The following KCNT2 variants were observed in gnomAD, a reference collection of about 807,000 sequenced individuals.
KCNT2 encodes the protein potassium sodium-activated channel subfamily T member 2.
Under a neutral mutation model 153.8 loss-of-function variants are expected in KCNT2, and 67 were observed. The ratio of observed to expected loss-of-function variants is 0.44; its 90% CI spans 0.36 to 0.53. The LOEUF is 0.53. KCNT2 is among the 20% of genes least tolerant of loss of function. The probability of loss-of-function intolerance (pLI) is 0.00; values close to 1 mark genes in which losing one functional copy is unlikely to be tolerated. For missense variants in KCNT2, 975 were observed against 1,354.8 expected (o/e 0.72, Z 4.40); for synonymous variants, 500 against 458.8 (o/e 1.09, Z -1.15).
chr1:196,398,102 C>T (rs906739944), intron 13 of KCNT2, among the ~76,000 whole-genome samples: 14 of 151,248 alleles, frequency 9.3e-5, no homozygotes, highest in Non-Finnish European at 1.8e-4. Flanking sequence ...AAGTCTATTC[C>T]CTAAATTAAC....
intron 19 of KCNT2, among the ~76,000 whole-genome samples, chr1:196,321,057 A>G (rs1375454713): frequency 6.6e-6 from 1 of 151,210 alleles, no homozygotes; most frequent in Non-Finnish European, 1.5e-5. Context: ...ATCACAGCCT[A>G]TAAACAGTTT....
At chr1:196,444,482 A>G (rs1388637606) in intron 8 of KCNT2, among the ~76,000 whole-genome samples, 1 of 151,398 alleles carries the variant, frequency 6.6e-6, no homozygotes, top group East Asian at 1.9e-4. Context: ...CCTTAAAAAA[A>G]GGGAATTCTT....
Position 196,608,383 on chromosome 1 carries a change from G to T in KCNT2, c.-74C>A. The T allele has an allele frequency of 8.2e-7, 1 of 1,212,602 alleles. No homozygotes were observed. Among genetic ancestry groups the T allele is most frequent in the Non-Finnish European group, 1.2e-6 (1 of 821,188 alleles). The allele number at this position is 1,212,602 out of a possible 1,614,324, so 75.1% of individuals were successfully genotyped here. ...GGAGAAAGAAAGAAAATATTGCGGA[G>T]TACAGGGAGAGGACTAACAAGACGC... On this transcript the variant is annotated 5_prime_UTR_variant, in exon 1 of 28. Transcript: ENST00000294725.
chr1:196,532,925 A>T (rs1463802062), intron 1 of KCNT2, among the ~76,000 whole-genome samples: 5 of 152,078 alleles, frequency 3.3e-5, no homozygotes, highest in African/African-American at 1.2e-4. Context: ...TATAATTTCC[A>T]CTCATGTAAA....
intron 1 of KCNT2, among the ~76,000 whole-genome samples, chr1:196,557,899 T>A (rs1198171524): frequency 1.3e-5 from 2 of 151,366 alleles, no homozygotes; most frequent in Non-Finnish European, 1.5e-5. Flanking sequence ...GAAATCAAAC[T>A]TCCTTATCAA....
At chr1:196,456,834 A>C (rs921265948) in intron 8 of KCNT2, among the ~76,000 whole-genome samples, 1 of 152,010 alleles carries the variant, frequency 6.6e-6, no homozygotes, top group African/African-American at 2.4e-5. Flanking sequence ...TATCAGAAAT[A>C]TATTCTAGAA....
intron 8 of KCNT2, among the ~76,000 whole-genome samples, chr1:196,436,867 A>G (rs573659197): frequency 7.4e-5 from 11 of 148,956 alleles, no homozygotes; most frequent in African/African-American, 2.7e-4. Flanking sequence ...TTTAAATTAT[A>G]TATTACATTA....
chr1:196,334,167 TAGAG>T (rs35078847), intron 16 of KCNT2, 107 bp from the exon 17 acceptor site: 6 of 637,962 alleles, frequency 9.4e-6, no homozygotes, highest in Admixed American at 8.3e-5. Context: ...AATATATATA[TAGAG>T]AGAGTATATA....
Position 196,451,407 on chromosome 1 carries a change from A to ACTT in KCNT2, c.638+13885_638+13886insAAG, listed in dbSNP as rs1491122191. ...AGACGTGCGCTACCACACCCAACAC[A>ACTT]TTTTTTTTTTTTTTTTTTTTTTTTT... On this transcript the variant is annotated intron_variant, in intron 8 of 27. Coordinates refer to ENST00000294725, the MANE Select transcript of KCNT2 (RefSeq NM_198503.5). Among the ~76,000 whole-genome samples, 58 of 62,866 alleles carry ACTT rather than the reference A, an allele frequency of 9.2e-4. 1 individual carries two copies. The highest frequency in any genetic ancestry group is 1.4e-3 in the Non-Finnish European group (50 of 36,542). The allele number at this position is 62,866 out of a possible 152,430, so 41.2% of individuals were successfully genotyped here. A position where few individuals can be genotyped will look rare whatever the true frequency, so the allele number is the denominator to read the frequency against.
At chr1:196,514,866 A>G (rs1317942826) in intron 1 of KCNT2, among the ~76,000 whole-genome samples, 1 of 152,170 alleles carries the variant, frequency 6.6e-6, no homozygotes, top group Non-Finnish European at 1.5e-5. Flanking sequence ...GTACCTTAAC[A>G]TGGAGGTACC....
chr1:196,285,002 A>T (rs1399325851), intron 23 of KCNT2, among the ~76,000 whole-genome samples: 2 of 152,334 alleles, frequency 1.3e-5, no homozygotes, highest in Admixed American at 6.5e-5. Flanking sequence ...ATATTTAGAG[A>T]TTGTCTGATT....
At chr1:196,304,260 T>C (rs555716084) in intron 22 of KCNT2, among the ~76,000 whole-genome samples, 1 of 152,292 alleles carries the variant, frequency 6.6e-6, no homozygotes, top group Admixed American at 6.5e-5. Context: ...TCTGTCATAA[T>C]TGGTAATTAA....
At chr1:196,522,235 A>G (rs538034404) in intron 1 of KCNT2, among the ~76,000 whole-genome samples, 2 of 152,318 alleles carry the variant, frequency 1.3e-5, no homozygotes, top group Admixed American at 1.3e-4. Flanking sequence ...TCTTTATGTT[A>G]ACAAAAATTA....
chr1:196,517,078 T>A (rs141867506), intron 1 of KCNT2, among the ~76,000 whole-genome samples: 1 of 152,232 alleles, frequency 6.6e-6, no homozygotes, highest in Non-Finnish European at 1.5e-5. Flanking sequence ...ACAGCCTTCA[T>A]GCTTGCTGTC....
intron 5 of KCNT2, among the ~76,000 whole-genome samples, chr1:196,473,245 T>C (rs1485360337): frequency 6.6e-6 from 1 of 152,180 alleles, no homozygotes; most frequent in Non-Finnish European, 1.5e-5. Flanking sequence ...CTTCATCATA[T>C]ACCCTCTAGG....
At chr1:196,569,242 G>A (rs1370719814) in intron 1 of KCNT2, among the ~76,000 whole-genome samples, 1 of 151,888 alleles carries the variant, frequency 6.6e-6, no homozygotes, top group East Asian at 1.9e-4. Flanking sequence ...AGTTCTAACT[G>A]CAAGTTAACT....
At chr1:196,383,530 GTGT>G (rs1289771532) in intron 13 of KCNT2, among the ~76,000 whole-genome samples, 1 of 152,122 alleles carries the variant, frequency 6.6e-6, no homozygotes, top group African/African-American at 2.4e-5. Flanking sequence ...TGGAAGGAGA[GTGT>G]TTTATAGCAC....
At chr1:196,341,070 G>GA (rs201600509) in intron 15 of KCNT2, among the ~76,000 whole-genome samples, 44 of 149,972 alleles carry the variant, frequency 2.9e-4, no homozygotes, top group Non-Finnish European at 1.9e-4. Flanking sequence ...TACTTAGTCA[G>GA]AAAAAAAAAG....
At chr1:196,292,172 T>A (rs778776868) in intron 22 of KCNT2, among the ~76,000 whole-genome samples, 1 of 152,158 alleles carries the variant, frequency 6.6e-6, no homozygotes, top group Non-Finnish European at 1.5e-5. Context: ...TTAACAAAAC[T>A]TTCCAGTTCT....
Sources: gnomAD v4.1 joint callset for allele counts (sites outside exome capture counted in the v4.1 genomes callset) on GRCh38, gnomAD v4.1.1 for gene constraint, MANE v1.5 for transcripts, NCBI Gene and HGNC (gene_info 2026-07-23, HGNC 2026-07-21) for gene names.